The following RSPO4 variants were observed in gnomAD, a reference collection of about 807,000 sequenced individuals.
RSPO4 encodes the protein R-spondin-4.
RSPO4 carries 23 observed loss-of-function variants against 24.8 expected under a neutral mutation model. That is an observed-to-expected ratio of 0.93 (90% confidence interval 0.67 to 1.31). The LOEUF (loss-of-function observed/expected upper bound fraction) is 1.31, where lower values mean the gene tolerates loss of function less well. Ranked by LOEUF, RSPO4 falls within the 40% of genes most tolerant of loss-of-function variation. The pLI is 0.00. For missense variants in RSPO4, 333 were observed against 316.5 expected (o/e 1.05, Z -0.39); for synonymous variants, 141 against 127.4 (o/e 1.11, Z -0.72).
intron 3 of RSPO4, among the ~76,000 whole-genome samples, chr20:966,264 G>A (rs911515352): frequency 2.6e-5 from 4 of 152,272 alleles, no homozygotes; most frequent in African/African-American, 9.6e-5. Context: ...GCAGGAACGG[G>A]AGGGCTCACA....
intron 1 of RSPO4, among the ~76,000 whole-genome samples, chr20:971,613 C>T (rs1430012523): frequency 1.3e-5 from 2 of 152,122 alleles, no homozygotes; most frequent in Non-Finnish European, 2.9e-5. Flanking sequence ...AAGCAAGGTG[C>T]ACGATGAATC....
At chr20:971,986 C>T (rs1288257583) in intron 1 of RSPO4, among the ~76,000 whole-genome samples, 1 of 152,216 alleles carries the variant, frequency 6.6e-6, no homozygotes, top group African/African-American at 2.4e-5. Flanking sequence ...GACCCGGGTT[C>T]CAAGAGCAGT....
At chr20:975,849 T>C (rs1984547188) in intron 1 of RSPO4, among the ~76,000 whole-genome samples, 1 of 152,204 alleles carries the variant, frequency 6.6e-6, no homozygotes, top group African/African-American at 2.4e-5. Flanking sequence ...TAAATGGGGA[T>C]AATAATGCTT....
intron 1 of RSPO4, among the ~76,000 whole-genome samples, chr20:993,262 T>G (rs963321182): frequency 6.6e-6 from 1 of 152,242 alleles, no homozygotes; most frequent in Non-Finnish European, 1.5e-5. Context: ...TGAATCATGC[T>G]GCATTACTGC....
At chr20:973,201 A>T (rs73579422) in intron 1 of RSPO4, among the ~76,000 whole-genome samples, 3,076 of 152,292 alleles carry the variant, frequency 0.02, 101 homozygotes, top group African/African-American at 0.069. Flanking sequence ...CCCCTATAGG[A>T]CAAACAGCCT....
chr20:990,228 G>C (rs565865626), intron 1 of RSPO4, among the ~76,000 whole-genome samples: 1 of 152,156 alleles, frequency 6.6e-6, no homozygotes, highest in South Asian at 2.1e-4. Context: ...ACGTCTCTCA[G>C]GTCCCGAGGC....
intron 1 of RSPO4, among the ~76,000 whole-genome samples, chr20:983,517 C>T (rs6056409): frequency 0.039 from 5,911 of 152,208 alleles, 419 homozygotes; most frequent in African/African-American, 0.13. Flanking sequence ...CCTCTGAGAG[C>T]TTGGATACCC....
intron 1 of RSPO4, among the ~76,000 whole-genome samples, chr20:1,001,467 C>T (rs909465699): frequency 6.6e-5 from 10 of 152,210 alleles, no homozygotes; most frequent in Admixed American, 1.3e-4. Flanking sequence ...TCCTAGTGGC[C>T]TGAGAGGTGA....
chr20:965,773 T>C (rs1984175227), intron 3 of RSPO4, among the ~76,000 whole-genome samples: 1 of 152,306 alleles, frequency 6.6e-6, no homozygotes, highest in African/African-American at 2.4e-5. Flanking sequence ...CAAAATATTA[T>C]GCATTTGTTC....
chr20:982,359 T>C (rs1309082720), intron 1 of RSPO4, among the ~76,000 whole-genome samples: 1 of 152,236 alleles, frequency 6.6e-6, no homozygotes, highest in East Asian at 1.9e-4. Flanking sequence ...TATAAGAAAT[T>C]GTCATGCAAT....
intron 1 of RSPO4, among the ~76,000 whole-genome samples, chr20:971,290 T>C (rs1257879567): frequency 2.0e-5 from 3 of 152,232 alleles, no homozygotes; most frequent in Non-Finnish European, 4.4e-5. Flanking sequence ...ATTCAGTAGG[T>C]CTGAGAATTT....
chr20:990,645 G>T (rs747186947), intron 1 of RSPO4, among the ~76,000 whole-genome samples: 3 of 152,040 alleles, frequency 2.0e-5, no homozygotes, highest in Non-Finnish European at 4.4e-5. Flanking sequence ...AAACTGAACT[G>T]GTTCAGCCAA....
intron 1 of RSPO4, among the ~76,000 whole-genome samples, chr20:991,095 C>G (rs1027863932): frequency 2.0e-5 from 3 of 152,072 alleles, no homozygotes; most frequent in Non-Finnish European, 4.4e-5. Flanking sequence ...AGCTCACACT[C>G]TGGAGTGTGA....
intron 4 of RSPO4, among the ~76,000 whole-genome samples, chr20:961,940 T>A (rs1984012884): frequency 6.6e-6 from 1 of 151,510 alleles, no homozygotes; most frequent in Non-Finnish European, 1.5e-5. Context: ...ACCCACCTAA[T>A]CATCCACCTA....
rs76711016 is a variant in RSPO4 at position 977,971 on chromosome 20, C to T, written c.80-9833G>A. ...CTCCACATATGGGAGGCAGTCGCCA[C>T]TGCTGGAGGCTTGCTCAGAAGATCC... On this transcript the variant is annotated intron_variant, in intron 1 of 4. Transcript: ENST00000217260. Among the ~76,000 whole-genome samples the T allele has an allele frequency of 0.02, 3,112 of 152,316 alleles. 196 individuals carry two copies. The East Asian group carries it at 0.23, about 11-fold the overall frequency.
chr20:984,287 C>T (rs927811971), intron 1 of RSPO4, among the ~76,000 whole-genome samples: 3 of 151,926 alleles, frequency 2.0e-5, no homozygotes, highest in Admixed American at 6.5e-5. Flanking sequence ...TGCAGTGAGC[C>T]GAGATCATGC....
intron 1 of RSPO4, among the ~76,000 whole-genome samples, chr20:973,898 C>A (rs1425603238): frequency 6.6e-6 from 1 of 152,122 alleles, no homozygotes; most frequent in African/African-American, 2.4e-5. Flanking sequence ...GGCTAGGATG[C>A]CCTCTTGTGC....
intron 1 of RSPO4, among the ~76,000 whole-genome samples, chr20:988,858 A>G (rs1985004523): frequency 6.6e-6 from 1 of 152,134 alleles, no homozygotes; most frequent in South Asian, 2.1e-4. Flanking sequence ...GCCAGATCTC[A>G]GCTTTTAAGA....
intron 1 of RSPO4, among the ~76,000 whole-genome samples, chr20:999,388 T>C (rs573969948): frequency 6.6e-6 from 1 of 152,218 alleles, no homozygotes; most frequent in African/African-American, 2.4e-5. Flanking sequence ...AACCCAGCAT[T>C]TCCCAATCTA....
Sources: gnomAD v4.1 joint callset for allele counts (sites outside exome capture counted in the v4.1 genomes callset) on GRCh38, gnomAD v4.1.1 for gene constraint, MANE v1.5 for transcripts, NCBI Gene and HGNC (gene_info 2026-07-23, HGNC 2026-07-21) for gene names.